The following GPATCH2 variants were observed in gnomAD, a reference collection of about 807,000 sequenced individuals.
The protein encoded by GPATCH2 is G patch domain-containing protein 2.
A neutral mutation model predicts 58.0 loss-of-function variants in GPATCH2; 51 were observed. The ratio of observed to expected loss-of-function variants is 0.88; its 90% confidence interval spans 0.70 to 1.11. GPATCH2 has a LOEUF of 1.11. GPATCH2 is among the 50% of genes most tolerant of loss of function. The pLI, the probability that GPATCH2 is intolerant of heterozygous loss-of-function variation, is 0.00. For synonymous variants in GPATCH2, 222 were observed against 218.5 expected, an observed-to-expected ratio of 1.02 and a Z score of -0.14; for missense variants, 625 against 652.2, an observed-to-expected ratio of 0.96 and a Z score of 0.45.
intron 8 of GPATCH2, among the ~76,000 whole-genome samples, chr1:217,472,288 T>G (rs1388893762): frequency 6.7e-6 from 1 of 148,986 alleles, no homozygotes; most frequent in Non-Finnish European, 1.5e-5. Context: ...GTGCATGTTT[T>G]CAACAGACTT....
chr1:217,577,137 G>A (rs906466091), intron 5 of GPATCH2, among the ~76,000 whole-genome samples: 8 of 152,012 alleles, frequency 5.3e-5, no homozygotes, highest in South Asian at 4.1e-4. Context: ...ATAGAAACCC[G>A]CATCTGTCTA....
At chr1:217,466,899 G>A (rs578228986) in intron 8 of GPATCH2, among the ~76,000 whole-genome samples, 3 of 152,254 alleles carry the variant, frequency 2.0e-5, no homozygotes, top group South Asian at 2.1e-4. Context: ...TCTGCTGGGC[G>A]CGGTGGCTCA....
At chr1:217,488,561 C>T (rs1207387376) in intron 8 of GPATCH2, among the ~76,000 whole-genome samples, 1 of 152,036 alleles carries the variant, frequency 6.6e-6, no homozygotes, top group African/African-American at 2.4e-5. Context: ...CCACCCTTCC[C>T]TGTCATTATA....
At chr1:217,523,907 C>T (rs1483955141) in intron 5 of GPATCH2, among the ~76,000 whole-genome samples, 1 of 112,376 alleles carries the variant, frequency 8.9e-6, no homozygotes, top group East Asian at 2.7e-4. Context: ...GGGGCTGACC[C>T]CCACACCTCC....
At chr1:217,447,533 G>A (rs1659445228) in intron 9 of GPATCH2, among the ~76,000 whole-genome samples, 1 of 152,112 alleles carries the variant, frequency 6.6e-6, no homozygotes, top group African/African-American at 2.4e-5. Context: ...CCCTCATACA[G>A]TTGTTATAAA....
At chr1:217,606,182 C>T (rs1015849845) in intron 5 of GPATCH2, among the ~76,000 whole-genome samples, 2 of 151,212 alleles carry the variant, frequency 1.3e-5, no homozygotes, top group African/African-American at 4.9e-5. Context: ...AGCTATTAGG[C>T]CTTCTCCCTC....
In GPATCH2 at chr1:217,598,105, G is replaced by A. The variant is rs186525537; in HGVS notation, c.1098+12216C>T. ...AAAACTGCCTATAAAACATAGGGTC[G>A]GTGGGCGCAGTGGCTCACATATGTA... On this transcript the variant is annotated intron_variant, in intron 5 of 9. Transcript: ENST00000366935. Among the ~76,000 whole-genome samples the A allele has an allele frequency of 2.8e-3, 425 of 152,280 alleles. 1 individual carries two copies. Among genetic ancestry groups the A allele is most frequent in the Non-Finnish European group, 4.5e-3 (304 of 68,024 alleles).
intron 8 of GPATCH2, among the ~76,000 whole-genome samples, chr1:217,485,120 G>C (rs1661399131): frequency 6.6e-6 from 1 of 152,224 alleles, no homozygotes; most frequent in East Asian, 1.9e-4. Flanking sequence ...GGAGTAATGG[G>C]GTAAGACTTC....
chr1:217,447,729 T>C (rs998680222), intron 9 of GPATCH2, among the ~76,000 whole-genome samples: 1 of 152,230 alleles, frequency 6.6e-6, no homozygotes, highest in African/African-American at 2.4e-5. Flanking sequence ...ATGGAACAAC[T>C]GCATTAGAAG....
chr1:217,546,088 A>C (rs2102655228), intron 5 of GPATCH2, among the ~76,000 whole-genome samples: 1 of 152,292 alleles, frequency 6.6e-6, no homozygotes, highest in South Asian at 2.1e-4. Flanking sequence ...ATAGCTAACT[A>C]GGGAGGTGAA....
At chr1:217,586,009 T>C (rs935067148) in intron 5 of GPATCH2, among the ~76,000 whole-genome samples, 9 of 152,108 alleles carry the variant, frequency 5.9e-5, no homozygotes, top group African/African-American at 2.2e-4. Flanking sequence ...ATGATATAAA[T>C]GGTATACCTG....
intron 5 of GPATCH2, among the ~76,000 whole-genome samples, chr1:217,553,047 T>C (rs1665438597): frequency 6.6e-6 from 1 of 151,938 alleles, no homozygotes; most frequent in South Asian, 2.1e-4. Context: ...GTACTCAGAG[T>C]TTCATTATTA....
At chr1:217,548,433 C>T (rs1447534529) in intron 5 of GPATCH2, among the ~76,000 whole-genome samples, 1 of 152,212 alleles carries the variant, frequency 6.6e-6, no homozygotes, top group Non-Finnish European at 1.5e-5. Flanking sequence ...TTTTTGATTA[C>T]ATGTGCTACA....
At chr1:217,480,372 G>A (rs1009779532) in intron 8 of GPATCH2, among the ~76,000 whole-genome samples, 8 of 152,104 alleles carry the variant, frequency 5.3e-5, no homozygotes, top group Non-Finnish European at 7.4e-5. Context: ...CATACAAATG[G>A]CAAACAGGCA....
chr1:217,485,669 G>A (rs1661422143), intron 8 of GPATCH2, among the ~76,000 whole-genome samples: 1 of 152,042 alleles, frequency 6.6e-6, no homozygotes, highest in Non-Finnish European at 1.5e-5. Context: ...TAATGACAAG[G>A]ATACAAACCT....
At chr1:217,471,583 T>C (rs1237198155) in intron 8 of GPATCH2, among the ~76,000 whole-genome samples, 1 of 152,184 alleles carries the variant, frequency 6.6e-6, no homozygotes, top group Non-Finnish European at 1.5e-5. Flanking sequence ...AATACAGTGA[T>C]CTGTATCATA....
At chr1:217,578,252 CG>C (rs1200854049) in intron 5 of GPATCH2, among the ~76,000 whole-genome samples, 1 of 151,642 alleles carries the variant, frequency 6.6e-6, no homozygotes, top group East Asian at 1.9e-4. Context: ...ATTTTAAGAC[CG>C]GGTCTTGCTC....
At chr1:217,447,498 C>A (rs762995920) in intron 9 of GPATCH2, among the ~76,000 whole-genome samples, 3 of 152,118 alleles carry the variant, frequency 2.0e-5, no homozygotes, top group Non-Finnish European at 2.9e-5. Flanking sequence ...ATTTTATGAT[C>A]TGTAAGGTGA....
intron 1 of GPATCH2, among the ~76,000 whole-genome samples, chr1:217,621,141 A>G (rs1669169413): frequency 1.3e-5 from 2 of 152,230 alleles, no homozygotes; most frequent in South Asian, 4.1e-4. Flanking sequence ...CTTCATTCTG[A>G]AGCAATCTCT....
Sources: allele counts gnomAD v4.1 joint callset (sites outside exome capture counted in the v4.1 genomes callset), GRCh38; gene constraint gnomAD v4.1.1; transcripts MANE v1.5; gene names NCBI Gene and HGNC (gene_info 2026-07-23, HGNC 2026-07-21).